Variants in PROSER2 observed in about 807,000 individuals in gnomAD.
PROSER2 encodes proline and serine rich 2, also known as proline and serine-rich protein 2.
Under a neutral mutation model 14.6 loss-of-function variants are expected in PROSER2, and 18 were observed. The ratio of observed to expected loss-of-function variants is 1.23; its 90% CI spans 0.85 to 1.83. The LOEUF is 1.83. Ranked by LOEUF, PROSER2 falls within the 40% of genes most tolerant of loss-of-function variation. The pLI is 0.00. For synonymous variants in PROSER2, 367 were observed against 286.4 expected (o/e 1.28, Z -2.84); for missense variants, 823 against 629.8 (o/e 1.31, Z -3.28).
At chr10:11,858,262 A>G (rs1472070624) in intron 2 of PROSER2, among the ~76,000 whole-genome samples, 1 of 152,168 alleles carries the variant, frequency 6.6e-6, no homozygotes, top group Non-Finnish European at 1.5e-5. Context: ...GGGTTACTTC[A>G]GTACACGTAT....
At chr10:11,861,295 C>T (rs991328882) in intron 2 of PROSER2, among the ~76,000 whole-genome samples, 3 of 152,262 alleles carry the variant, frequency 2.0e-5, no homozygotes, top group Non-Finnish European at 2.9e-5. Context: ...TCCCTGGAAG[C>T]GTGGCTTGGT....
chr10:11,833,348 G>C (rs1833714507), intron 1 of PROSER2, among the ~76,000 whole-genome samples: 1 of 149,568 alleles, frequency 6.7e-6, no homozygotes, highest in South Asian at 2.2e-4. Flanking sequence ...GTTCAGGCCA[G>C]CCTGGGTGAT....
intron 2 of PROSER2, among the ~76,000 whole-genome samples, chr10:11,859,956 T>C (rs1834202710): frequency 6.6e-6 from 1 of 151,954 alleles, no homozygotes; most frequent in Admixed American, 6.5e-5. Context: ...GAGGGAGGGG[T>C]AGACAGATTC....
Position 11,869,830 on chromosome 10 carries a change from C to G in PROSER2, c.732C>G (p.His244Gln). Residue 244 changes from histidine (H) to glutamine (Q), a missense_variant, in exon 4 of 4, where the codon CAC becomes CAG. By Grantham distance (24) the His-to-Gln change is conservative. Transcript: ENST00000277570. This position sits in a 1 kb window ranked among gnomAD's most constrained non-coding sequence, Gnocchi z 4.4. ...RSGDPGPGPSHPAQPKAPRFP... is the reference protein window; with the variant it reads ...RSGDPGPGPSQPAQPKAPRFP... Reference sequence around the variant, plus strand: ...GAGACCCTGGCCCGGGGCCCAGCCACCCGGCGCAGCCCAAGGCACCCCGCT... The same window carrying G: ...GAGACCCTGGCCCGGGGCCCAGCCAGCCGGCGCAGCCCAAGGCACCCCGCT... The G allele has an allele frequency of 1.3e-6, 2 of 1,573,812 alleles. No individual in the cohort carries two copies. Among genetic ancestry groups the G allele is most frequent in the Non-Finnish European group, 1.7e-6 (2 of 1,163,248 alleles).
At chr10:11,845,222 C>T (rs941399792) in intron 1 of PROSER2, among the ~76,000 whole-genome samples, 1 of 152,162 alleles carries the variant, frequency 6.6e-6, no homozygotes. Context: ...ATATATTTTA[C>T]ATTTTGATAG....
At chr10:11,860,882 A>G (rs1451708287) in intron 2 of PROSER2, among the ~76,000 whole-genome samples, 8 of 151,712 alleles carry the variant, frequency 5.3e-5, no homozygotes, top group African/African-American at 7.3e-5. Context: ...AAGGTGGGTG[A>G]ATCACTTGAG....
intron 1 of PROSER2, among the ~76,000 whole-genome samples, chr10:11,832,064 T>A (rs2131047657): frequency 6.6e-6 from 1 of 152,326 alleles, no homozygotes; most frequent in African/African-American, 2.4e-5. Flanking sequence ...GAAGTAGAAT[T>A]ACTAGCCTTT....
chr10:11,839,921 A>G (rs1203149839), intron 1 of PROSER2, among the ~76,000 whole-genome samples: 1 of 150,890 alleles, frequency 6.6e-6, no homozygotes, highest in Non-Finnish European at 1.5e-5. Context: ...GTTTGCTGTC[A>G]TTTATTTTTA....
intron 1 of PROSER2, among the ~76,000 whole-genome samples, chr10:11,833,984 CTTTTTTTTTTTTTTTT>C (rs35005102): frequency 4.1e-5 from 2 of 48,226 alleles, no homozygotes; most frequent in Admixed American, 3.0e-4. Context: ...GTAGCTCTTT[CTTTTTTTTTTTTTTTT>C]TTTTTTTTTT....
At position 11,836,504 on chromosome 10, in the gene PROSER2, C is replaced by G. The variant is rs188359213; in HGVS notation, c.-82+13034C>G. On this transcript the variant is annotated intron_variant, in intron 1 of 3. Transcript: ENST00000277570. The surrounding 1 kb of genome is among the most constrained non-coding windows in gnomAD (Gnocchi z 4.6). ...GAGCCACCACGCCTGGCCAGGATGT[C>G]GCTTTAAAGACAATTTCTTTCCTAA... Among the ~76,000 whole-genome samples the G allele has an allele frequency of 2.0e-5, 3 of 152,064 alleles. No individual in the cohort carries two copies. The highest frequency in any genetic ancestry group is 2.0e-4 in the Admixed American group (3 of 15,260).
rs569318122 is a variant in PROSER2, at chr10:11,862,595, G to C, written c.139-3936G>C. Among the ~76,000 whole-genome samples the C allele has an allele frequency of 9.8e-4, 150 of 152,304 alleles. No homozygotes were observed. Among genetic ancestry groups the C allele is most frequent in the African/African-American group, 3.3e-3 (137 of 41,560 alleles). ...TGTAGTTCCAGCCACTGGGGAGGCT[G>C]AGGTGGGAGGATCACTTGAGCTGGG... On this transcript the variant is annotated intron_variant, in intron 2 of 3. Coordinates refer to ENST00000277570, the MANE Select transcript of PROSER2 (RefSeq NM_153256.4). The surrounding 1 kb of genome is among the most constrained non-coding windows in gnomAD (Gnocchi z 4.2).
rs1480038659 is a variant in PROSER2 at position 11,869,780 on chromosome 10, C to A, written c.682C>A (p.Pro228Thr). 6.4e-7 allele frequency: 1 copy of A among 1,559,594 alleles called. No homozygotes were observed. The change falls in exon 4 of 4, where the codon CCT becomes ACT. Residue 228 changes from proline (P) to threonine (T), a missense_variant. By Grantham distance (38) the Pro-to-Thr change is conservative (BLOSUM62 -1). Coordinates refer to ENST00000277570, the MANE Select transcript of PROSER2 (RefSeq NM_153256.4). The surrounding 1 kb of genome is among the most constrained non-coding windows in gnomAD (Gnocchi z 4.4). ...GGGCCGGCCCGGGGAGTGGAGGACA[C>A]CTGCCGCCCGGGGGCCCCGCAGTGG... ...REGRPGEWRT[P>T]AARGPRSGDP...
chr10:11,833,235 C>CTTTTTTTTTTT lies in PROSER2; in HGVS notation c.-82+9776_-82+9786dup, dbSNP rs5783233. ...ACAAGTATTATACAAAATGTTGTGG[C>CTTTTTTTTTTT]TTTTTTTTTTTTTTTTTTTTTAGTT... On this transcript the variant is annotated intron_variant, in intron 1 of 3. Transcript: ENST00000277570. Among the ~76,000 whole-genome samples, 136 of 87,614 alleles carry CTTTTTTTTTTT rather than the reference C, an allele frequency of 1.6e-3. 11 individuals are homozygous for CTTTTTTTTTTT. Among genetic ancestry groups the CTTTTTTTTTTT allele is most frequent in the African/African-American group, 6.3e-3 (132 of 20,890 alleles). 57.5% of individuals were successfully genotyped at this position (87,614 alleles called of 152,430 possible).
chr10:11,870,711 A>C lies in PROSER2; in HGVS notation c.*305A>C. On this transcript the variant is annotated 3_prime_UTR_variant, in exon 4 of 4. Coordinates refer to ENST00000277570, the MANE Select transcript of PROSER2 (RefSeq NM_153256.4). Reference sequence around the variant, plus strand: ...ACCCATAGGTTTCCGTGATGTGTAAATGCCATCTTTTGGGGGTTGGGAGGA... The same window carrying C: ...ACCCATAGGTTTCCGTGATGTGTAACTGCCATCTTTTGGGGGTTGGGAGGA... 6.9e-6 allele frequency: 2 copies of C among 289,786 alleles called. No individual in the cohort carries two copies. Among genetic ancestry groups the C allele is most frequent in the Non-Finnish European group, 1.4e-5 (2 of 147,904 alleles). 18.0% of individuals were successfully genotyped at this position (289,786 alleles called of 1,614,324 possible).
At chr10:11,827,911 C>T (rs1421336889) in intron 1 of PROSER2, among the ~76,000 whole-genome samples, 2 of 152,066 alleles carry the variant, frequency 1.3e-5, no homozygotes, top group African/African-American at 4.8e-5. Flanking sequence ...CCCCTGGGTT[C>T]AAGCAGTCCC....
intron 1 of PROSER2, among the ~76,000 whole-genome samples, chr10:11,833,943 A>G (rs1833721949): frequency 6.9e-6 from 1 of 145,214 alleles, no homozygotes; most frequent in Non-Finnish European, 1.5e-5. Context: ...GGAGGGCAGC[A>G]GGGAGGCAGT....
chr10:11,840,069 C>T (rs375731681), intron 1 of PROSER2, among the ~76,000 whole-genome samples: 9 of 151,664 alleles, frequency 5.9e-5, no homozygotes, highest in African/African-American at 2.2e-4. Context: ...TCTCCTGCCT[C>T]AGCCTCCCAA....
chr10:11,840,803 T>C (rs1436243168), intron 1 of PROSER2, among the ~76,000 whole-genome samples: 1 of 151,084 alleles, frequency 6.6e-6, no homozygotes, highest in Non-Finnish European at 1.5e-5. Flanking sequence ...CTCATGCCTG[T>C]AATCCCAGCT....
Position 11,830,468 on chromosome 10 carries a change from G to A in PROSER2, c.-82+6998G>A, listed in dbSNP as rs1833675924. Among the ~76,000 whole-genome samples, 1 of 152,164 alleles carries A rather than the reference G, an allele frequency of 6.6e-6. No individual in the cohort carries two copies. Among genetic ancestry groups the A allele is most frequent in the Non-Finnish European group, 1.5e-5 (1 of 68,032 alleles). ...AGATTGATTCTGTGACGGTTACTGT[G>A]AACAGCGCCGCGGTAAAGATGCAAG... is the stretch of plus-strand genomic sequence containing the variant. On this transcript the variant is annotated intron_variant, in intron 1 of 3. Coordinates refer to ENST00000277570, the MANE Select transcript of PROSER2 (RefSeq NM_153256.4). The surrounding 1 kb of genome is among the most constrained non-coding windows in gnomAD (Gnocchi z 4.5).
Sources: allele counts gnomAD v4.1 joint callset (sites outside exome capture counted in the v4.1 genomes callset), GRCh38; gene constraint gnomAD v4.1.1; non-coding constraint Gnocchi (gnomAD v3.1); transcripts MANE v1.5; gene names NCBI Gene and HGNC (gene_info 2026-07-23, HGNC 2026-07-21).